The following ST6GALNAC3 variants were observed in gnomAD, a reference collection of about 807,000 sequenced individuals.
ST6GALNAC3 encodes ST6 N-acetylgalactosaminide alpha-2,6-sialyltransferase 3.
Under a neutral mutation model 32.7 loss-of-function variants are expected in ST6GALNAC3, and 25 were observed. That is an observed-to-expected ratio of 0.76 (90% CI 0.56 to 1.07). The LOEUF (loss-of-function observed/expected upper bound fraction) is 1.07. Ranked by LOEUF, ST6GALNAC3 falls within the 50% of genes least tolerant of loss-of-function variation. ST6GALNAC3 has a pLI of 0.00. For synonymous variants in ST6GALNAC3, 129 were observed against 133.1 expected (o/e 0.97, Z 0.21); for missense variants, 355 against 382.4 (o/e 0.93, Z 0.60).
intron 3 of ST6GALNAC3, among the ~76,000 whole-genome samples, chr1:76,491,352 A>G (rs746688849): frequency 1.3e-5 from 2 of 152,076 alleles, no homozygotes; most frequent in Non-Finnish European, 2.9e-5. Flanking sequence ...AGGTTCTTTG[A>G]AATGCCCATC....
At chr1:76,558,863 G>C (rs918814462) in intron 3 of ST6GALNAC3, among the ~76,000 whole-genome samples, 4 of 152,012 alleles carry the variant, frequency 2.6e-5, no homozygotes, top group Non-Finnish European at 5.9e-5. Flanking sequence ...GGGGAAAATT[G>C]GGTAAAGAGT....
At chr1:76,101,574 C>T (rs1436611304) in intron 1 of ST6GALNAC3, among the ~76,000 whole-genome samples, 4 of 152,234 alleles carry the variant, frequency 2.6e-5, no homozygotes, top group Admixed American at 1.3e-4. Flanking sequence ...ACTTCAGTCA[C>T]GTCTGCTCTT....
At chr1:76,169,788 T>C (rs144466894) in intron 1 of ST6GALNAC3, among the ~76,000 whole-genome samples, 2 of 152,210 alleles carry the variant, frequency 1.3e-5, no homozygotes, top group African/African-American at 4.8e-5. Context: ...TCTTGTAGTG[T>C]GTTTTTCAGC....
At chr1:76,336,763 A>G (rs1400267399) in intron 2 of ST6GALNAC3, among the ~76,000 whole-genome samples, 1 of 152,192 alleles carries the variant, frequency 6.6e-6, no homozygotes, top group East Asian at 1.9e-4. Flanking sequence ...GATGAGAAGT[A>G]TATGAGGCCA....
chr1:76,232,981 T>A (rs988454270), intron 1 of ST6GALNAC3, among the ~76,000 whole-genome samples: 6 of 152,080 alleles, frequency 3.9e-5, no homozygotes, highest in African/African-American at 1.4e-4. Context: ...CTTAACCTCA[T>A]CAAGTCTCTG....
In ST6GALNAC3 at chr1:76,352,460, C is replaced by T. The variant is rs116868877; in HGVS notation, c.213+38461C>T. Among the ~76,000 whole-genome samples, 134 of 148,232 alleles carry T rather than the reference C, an allele frequency of 9.0e-4. 2 individuals are homozygous for T. The East Asian group carries it at 0.02, about 22-fold the overall frequency. On this transcript the variant is annotated intron_variant, in intron 2 of 4. Transcript: ENST00000328299. ...ACTGTGCCTGTCCCTCCTGCTTTCC[C>T]TCTGTCTCACTGGTTATTTTCAAAC...
intron 1 of ST6GALNAC3, among the ~76,000 whole-genome samples, chr1:76,287,409 T>G (rs1659845982): frequency 1.4e-5 from 2 of 146,572 alleles, no homozygotes; most frequent in Admixed American, 1.3e-4. Flanking sequence ...TTTTTTGCAT[T>G]TGATGGCACC....
chr1:76,590,494 C>G (rs1268593071), intron 3 of ST6GALNAC3, among the ~76,000 whole-genome samples: 1 of 152,158 alleles, frequency 6.6e-6, no homozygotes, highest in African/African-American at 2.4e-5. Flanking sequence ...ACTCCAAGCA[C>G]CCACATGGAT....
At position 76,494,649 on chromosome 1, in the gene ST6GALNAC3, G is replaced by GCACACACACACACACA. The variant is rs35632611; in HGVS notation, c.623+82248_623+82263dup. Among the ~76,000 whole-genome samples the GCACACACACACACACA allele has an allele frequency of 6.9e-4, 47 of 67,722 alleles. 4 individuals are homozygous for GCACACACACACACACA. The highest frequency in any genetic ancestry group is 2.8e-3 in the African/African-American group (44 of 15,474). The allele number at this position is 67,722 out of a possible 152,430, so 44.4% of individuals were successfully genotyped here. ...ATAAAAATATATTTCATGTGTATGCGCACACACACACACACACACACACAC... is the reference window on the plus strand; with the variant it reads ...ATAAAAATATATTTCATGTGTATGCGCACACACACACACACACACACACACACACACACACACACAC... On this transcript the variant is annotated intron_variant, in intron 3 of 4. Transcript: ENST00000328299.
At chr1:76,237,627 A>C (rs1002892739) in intron 1 of ST6GALNAC3, among the ~76,000 whole-genome samples, 21 of 152,174 alleles carry the variant, frequency 1.4e-4, no homozygotes, top group African/African-American at 5.1e-4. Context: ...AGGGAAAAAA[A>C]CCCAGTTATT....
intron 1 of ST6GALNAC3, among the ~76,000 whole-genome samples, chr1:76,300,690 C>T (rs143117846): frequency 1.9e-3 from 288 of 152,078 alleles, no homozygotes; most frequent in Middle Eastern, 6.8e-3. Flanking sequence ...GGAAATAGTG[C>T]TATGATTGAT....
At position 76,484,751 on chromosome 1, in the gene ST6GALNAC3, A is replaced by C. The variant is rs182440048; in HGVS notation, c.623+72334A>C. Among the ~76,000 whole-genome samples, 527 of 152,292 alleles carry C rather than the reference A, an allele frequency of 3.5e-3. 3 individuals carry two copies. Among genetic ancestry groups the C allele is most frequent in the African/African-American group, 0.012 (506 of 41,566 alleles). On this transcript the variant is annotated intron_variant, in intron 3 of 4. Coordinates refer to ENST00000328299, the MANE Select transcript of ST6GALNAC3 (RefSeq NM_152996.4). ...CCTGAATGCCCTGGCCAGAACTTCCAACACTATACTGAATAGGAGTGGTGA... is the reference window on the plus strand; with the variant it reads ...CCTGAATGCCCTGGCCAGAACTTCCCACACTATACTGAATAGGAGTGGTGA...
intron 2 of ST6GALNAC3, among the ~76,000 whole-genome samples, chr1:76,332,595 G>A (rs1055376489): frequency 2.6e-5 from 4 of 152,046 alleles, no homozygotes; most frequent in African/African-American, 7.2e-5. Flanking sequence ...AGGTCTAATG[G>A]CATCCCCTGA....
chr1:76,485,282 GT>G lies in ST6GALNAC3; in HGVS notation c.623+72868del, dbSNP rs557971734. On this transcript the variant is annotated intron_variant, in intron 3 of 4. Transcript: ENST00000328299. ...CCCTCTTTTTCTATTGATTGGAATA[GT>G]TTCAGAAGGAATGGTACCAGCTCCT... is the stretch of plus-strand genomic sequence containing the variant. 2.3e-4 allele frequency among the ~76,000 whole-genome samples: 35 copies of G among 152,266 alleles called. No homozygotes were observed. The East Asian group carries it at 6.6e-3, about 29-fold the overall frequency.
rs142552369 is a variant in ST6GALNAC3, at chr1:76,354,043, A to T, written c.213+40044A>T. The T allele has an allele frequency of 8.0e-3, 1,257 of 156,438 alleles. 5 individuals are homozygous for T. The highest frequency in any genetic ancestry group is 0.013 in the Non-Finnish European group (926 of 70,014). The allele number at this position is 156,438 out of a possible 1,614,324, so 9.7% of individuals were successfully genotyped here. ...CACTAATGCCAGGATAGCATCTCCC[A>T]CCATGACAGGTGCCATGGCTGCAAA... On this transcript the variant is annotated intron_variant, in intron 2 of 4. Transcript: ENST00000328299.
At chr1:76,427,130 AG>A (rs1655447796) in intron 3 of ST6GALNAC3, among the ~76,000 whole-genome samples, 1 of 152,078 alleles carries the variant, frequency 6.6e-6, no homozygotes, top group South Asian at 2.1e-4. Context: ...GAAACTCAGA[AG>A]TGAGCACAAC....
chr1:76,144,296 G>A (rs1318976915), intron 1 of ST6GALNAC3, among the ~76,000 whole-genome samples: 4 of 152,152 alleles, frequency 2.6e-5, no homozygotes, highest in Admixed American at 6.5e-5. Flanking sequence ...GGAGGAAAGG[G>A]CAACCAGAAC....
chr1:76,358,506 G>A (rs961475665), intron 2 of ST6GALNAC3, among the ~76,000 whole-genome samples: 2 of 151,922 alleles, frequency 1.3e-5, no homozygotes, highest in Non-Finnish European at 2.9e-5. Context: ...ACCTCCTAAT[G>A]TATCTAAAAT....
intron 3 of ST6GALNAC3, among the ~76,000 whole-genome samples, chr1:76,540,759 A>G (rs1010173890): frequency 3.3e-5 from 5 of 152,206 alleles, no homozygotes; most frequent in Non-Finnish European, 2.9e-5. Flanking sequence ...CTCAAGTCCT[A>G]TACACATTTG....
Sources: gnomAD v4.1 joint callset for allele counts (sites outside exome capture counted in the v4.1 genomes callset) on GRCh38, gnomAD v4.1.1 for gene constraint, MANE v1.5 for transcripts, NCBI Gene and HGNC (gene_info 2026-07-23, HGNC 2026-07-21) for gene names.